APBA1: variants seen among roughly 807,000 people sequenced by gnomAD.
APBA1 encodes amyloid-beta A4 precursor protein-binding family A member 1.
Under a neutral mutation model 86.6 loss-of-function variants are expected in APBA1, and 55 were observed. That is an observed-to-expected ratio of 0.64 (90% CI 0.51 to 0.80). The LOEUF (loss-of-function observed/expected upper bound fraction) is 0.80, where lower values mean the gene tolerates loss of function less well. APBA1 is among the 30% of genes least tolerant of loss of function. APBA1 has a pLI of 0.00. For synonymous variants in APBA1, 511 were observed against 493.9 expected (o/e 1.03, Z -0.46); for missense variants, 1,090 against 1,183.0 (o/e 0.92, Z 1.15).
At chr9:69,460,631 C>A (rs1835175228) in intron 5 of APBA1, 1 of 151,960 alleles carries the variant, frequency 6.6e-6, no homozygotes, top group African/African-American at 2.4e-5. Flanking sequence ...GAAATAGGTT[C>A]CACCATCACT....
At chr9:69,447,578 C>T (rs1834931026) in intron 10 of APBA1, among the ~76,000 whole-genome samples, 1 of 152,146 alleles carries the variant, frequency 6.6e-6, no homozygotes, top group African/African-American at 2.4e-5. Flanking sequence ...TGAAGATCAC[C>T]CCTGGCTGAG....
chr9:69,448,017 C>T (rs1366902679), intron 10 of APBA1, among the ~76,000 whole-genome samples: 2 of 152,102 alleles, frequency 1.3e-5, no homozygotes, highest in South Asian at 2.1e-4. Context: ...AGCCCCACCC[C>T]CCCGCTTGCC....
intron 1 of APBA1, among the ~76,000 whole-genome samples, chr9:69,589,397 C>T (rs1822084305): frequency 6.6e-6 from 1 of 152,226 alleles, no homozygotes; most frequent in Non-Finnish European, 1.5e-5. Flanking sequence ...GGCATCCACT[C>T]TAATTCTTCT....
intron 1 of APBA1, among the ~76,000 whole-genome samples, chr9:69,652,459 A>C (rs1441057608): frequency 6.6e-6 from 1 of 152,300 alleles, no homozygotes; most frequent in East Asian, 1.9e-4. Context: ...CTCTGGTCAC[A>C]ATGTGGCTGC....
intron 1 of APBA1, among the ~76,000 whole-genome samples, chr9:69,561,458 C>T: frequency 6.6e-6 from 1 of 152,068 alleles, no homozygotes; most frequent in Non-Finnish European, 1.5e-5. Flanking sequence ...TGCTGGGGGC[C>T]TGAGTTAAAC....
At chr9:69,548,067 T>G (rs1836725444) in intron 1 of APBA1, among the ~76,000 whole-genome samples, 2 of 152,176 alleles carry the variant, frequency 1.3e-5, no homozygotes, top group African/African-American at 4.8e-5. Flanking sequence ...ATGGAGAATC[T>G]TTTCCAACTG....
intron 1 of APBA1, among the ~76,000 whole-genome samples, chr9:69,590,212 G>T (rs2133964234): frequency 6.6e-6 from 1 of 152,298 alleles, no homozygotes; most frequent in East Asian, 1.9e-4. Flanking sequence ...GTTCCTCTTG[G>T]GGTGGGAACA....
At chr9:69,458,126 A>G (rs531445322) in intron 6 of APBA1, 30 bp downstream of exon 6, 1 of 1,590,886 alleles carries the variant, frequency 6.3e-7, no homozygotes, top group African/African-American at 1.4e-5. Flanking sequence ...CAGGCATAAC[A>G]CCAAGCTGAT....
chr9:69,467,173 T>C (rs1835292787), intron 5 of APBA1, among the ~76,000 whole-genome samples: 1 of 152,232 alleles, frequency 6.6e-6, no homozygotes, highest in Admixed American at 6.5e-5. Context: ...ATAAACCAGT[T>C]CTGGATGGTT....
chr9:69,613,563 G>A (rs2133983873), intron 1 of APBA1, among the ~76,000 whole-genome samples: 1 of 152,136 alleles, frequency 6.6e-6, no homozygotes, highest in Non-Finnish European at 1.5e-5. Flanking sequence ...TCTTTTGCTT[G>A]GCTGAGGTGA....
intron 1 of APBA1, among the ~76,000 whole-genome samples, chr9:69,541,560 T>C (rs1233198614): frequency 1.4e-5 from 2 of 139,856 alleles, no homozygotes; most frequent in Non-Finnish European, 3.2e-5. Context: ...TTTTTTTTTT[T>C]TTGGTTTCTT....
At chr9:69,510,321 A>G (rs1029016557) in intron 2 of APBA1, among the ~76,000 whole-genome samples, 2 of 151,814 alleles carry the variant, frequency 1.3e-5, no homozygotes, top group African/African-American at 4.9e-5. Flanking sequence ...CCCATTCACA[A>G]TTGCTTCACA....
At chr9:69,540,122 G>GCAACAA (rs56405500) in intron 1 of APBA1, among the ~76,000 whole-genome samples, 8,192 of 148,518 alleles carry the variant, frequency 0.055, 398 homozygotes, top group African/African-American at 0.12. Context: ...CTCCATCTCG[G>GCAACAA]CAACAACAAC....
rs1836149442 is a variant in APBA1 at position 69,516,418 on chromosome 9, C to CGTAGCTGTCCATGCGCGG, written c.775_792dup (p.Pro259_Tyr264dup). The stretch of plus-strand genomic sequence containing the variant: ...ATCTGGTCGATGTCCTCCTCCTGCT[C>CGTAGCTGTCCATGCGCGG]GTAGCTGTCCATGCGCGGGTAGGGC... On this transcript the variant is annotated inframe_insertion, in exon 2 of 13. Transcript: ENST00000265381. The surrounding 1 kb of genome is among the most constrained non-coding windows in gnomAD (Gnocchi z 7.3). 1 of 1,604,896 alleles carries CGTAGCTGTCCATGCGCGG rather than the reference C, an allele frequency of 6.2e-7. No individual in the cohort carries two copies. The highest frequency in any genetic ancestry group is 1.3e-5 in the African/African-American group (1 of 74,794).
chr9:69,450,141 T>C (rs980865035), intron 9 of APBA1, among the ~76,000 whole-genome samples: 1 of 150,370 alleles, frequency 6.7e-6, no homozygotes, highest in African/African-American at 2.5e-5. Context: ...GGGTGGTGTG[T>C]TATGGTTTCT....
chr9:69,526,034 G>A (rs1836336794), intron 1 of APBA1, among the ~76,000 whole-genome samples: 1 of 152,126 alleles, frequency 6.6e-6, no homozygotes, highest in Non-Finnish European at 1.5e-5. Flanking sequence ...AATGAAACCA[G>A]ACCCCTATTT....
intron 1 of APBA1, among the ~76,000 whole-genome samples, chr9:69,529,189 C>A (rs1836387092): frequency 6.6e-6 from 1 of 152,104 alleles, no homozygotes; most frequent in South Asian, 2.1e-4. Context: ...AATCCTCAAA[C>A]ATATTTTTGG....
At chr9:69,456,965 A>G in intron 7 of APBA1, 88 bp downstream of exon 7, 1 of 1,139,608 alleles carries the variant, frequency 8.8e-7, no homozygotes, top group Non-Finnish European at 1.3e-6. Flanking sequence ...GCTGCTCTAC[A>G]GACACATGCC....
rs76901880 is a variant in APBA1, at chr9:69,520,009, C to T, written c.-69-2730G>A. 7.1e-3 allele frequency among the ~76,000 whole-genome samples: 1,084 copies of T among 152,244 alleles called. 9 individuals carry two copies. Among genetic ancestry groups the T allele is most frequent in the African/African-American group, 0.024 (1,014 of 41,540 alleles). ...CTTTTTGTTCACTAAGTACCTTCTC[C>T]TTATACCCCCATCCACAGACCTCAC... On this transcript the variant is annotated intron_variant, in intron 1 of 12. Transcript: ENST00000265381.
Sources: allele counts gnomAD v4.1 joint callset (sites outside exome capture counted in the v4.1 genomes callset), GRCh38; gene constraint gnomAD v4.1.1; non-coding constraint Gnocchi (gnomAD v3.1); transcripts MANE v1.5; gene names NCBI Gene and HGNC (gene_info 2026-07-23, HGNC 2026-07-21).